Variants in SLC9A9 observed in about 807,000 individuals in gnomAD.
SLC9A9 encodes solute carrier family 9 member A9, also known as sodium/hydrogen exchanger 9.
SLC9A9 carries 62 observed loss-of-function variants against 77.8 expected under a neutral mutation model. That is an observed-to-expected ratio of 0.80 (90% CI 0.65 to 0.98). The LOEUF (loss-of-function observed/expected upper bound fraction) is 0.98, where lower values mean the gene tolerates loss of function less well. SLC9A9 is among the 50% of genes least tolerant of loss of function. The probability of loss-of-function intolerance (pLI) is 0.00; values close to 1 mark genes in which losing one functional copy is unlikely to be tolerated. For synonymous variants in SLC9A9, 320 were observed against 283.5 expected, an observed-to-expected ratio of 1.13 and a Z score of -1.29; for missense variants, 775 against 774.9, an observed-to-expected ratio of 1.00 and a Z score of 0.00.
In SLC9A9 at chr3:143,374,413, A is replaced by G. The variant is rs565496719; in HGVS notation, c.1524+7647T>C. The stretch of plus-strand genomic sequence containing the variant: ...GTACTCCAGCCTGGGAGACAGCGAG[A>G]CTCTGTCTCAAAAAAAAAAAAAAAA... On this transcript the variant is annotated intron_variant, in intron 13 of 15. Coordinates refer to ENST00000316549, the MANE Select transcript of SLC9A9 (RefSeq NM_173653.4). 1.0e-3 allele frequency among the ~76,000 whole-genome samples: 122 copies of G among 122,472 alleles called. 2 individuals are homozygous for G. The highest frequency in any genetic ancestry group is 3.1e-3 in the African/African-American group (92 of 29,652). The allele number at this position is 122,472 out of a possible 152,430, so 80.3% of individuals were successfully genotyped here.
chr3:143,796,934 A>G (rs1317160955), intron 2 of SLC9A9, 31 bp from the exon 3 acceptor site: 3 of 1,541,366 alleles, frequency 1.9e-6, no homozygotes, highest in African/African-American at 1.4e-5. Context: ...GATAGTTAGA[A>G]TGATGCTCCT....
intron 4 of SLC9A9, among the ~76,000 whole-genome samples, chr3:143,761,254 G>A (rs1289503075): frequency 9.2e-5 from 14 of 152,132 alleles, no homozygotes; most frequent in Non-Finnish European, 1.5e-5. Context: ...AGAAAACCTA[G>A]GCAATACCAT....
chr3:143,461,203 T>C (rs1323821569), intron 12 of SLC9A9, among the ~76,000 whole-genome samples: 3 of 152,180 alleles, frequency 2.0e-5, no homozygotes, highest in Non-Finnish European at 4.4e-5. Context: ...AAGAATCTTT[T>C]TGAGCTATTG....
At chr3:143,816,130 C>T (rs1296737908) in intron 2 of SLC9A9, among the ~76,000 whole-genome samples, 1 of 152,196 alleles carries the variant, frequency 6.6e-6, no homozygotes, top group Admixed American at 6.5e-5. Context: ...AGTCAGTGCC[C>T]TTTCCTTCCA....
intron 8 of SLC9A9, 24 bp downstream of exon 8, chr3:143,574,064 G>C (rs780038943): frequency 1.3e-6 from 2 of 1,594,232 alleles, no homozygotes; most frequent in Non-Finnish European, 1.7e-6. Context: ...ACATCCAGTT[G>C]GCTGTGCAGC....
intron 14 of SLC9A9, among the ~76,000 whole-genome samples, chr3:143,335,756 C>G (rs139884312): frequency 1.7e-3 from 263 of 152,104 alleles, no homozygotes; most frequent in Non-Finnish European, 2.9e-3. Flanking sequence ...ATAGAAAAAT[C>G]AACTCAAAAT....
intron 14 of SLC9A9, among the ~76,000 whole-genome samples, chr3:143,275,449 T>G (rs1248120407): frequency 7.2e-5 from 11 of 152,234 alleles, no homozygotes; most frequent in Non-Finnish European, 1.5e-5. Context: ...GCATTCTATT[T>G]CCTTGCTTTG....
At chr3:143,703,572 T>C (rs907361516) in intron 4 of SLC9A9, among the ~76,000 whole-genome samples, 7 of 151,896 alleles carry the variant, frequency 4.6e-5, no homozygotes, top group African/African-American at 1.2e-4. Flanking sequence ...AAAGCAGTAC[T>C]AAGCAGGAAG....
intron 14 of SLC9A9, among the ~76,000 whole-genome samples, chr3:143,357,566 C>T (rs1395000844): frequency 6.6e-6 from 1 of 152,146 alleles, no homozygotes; most frequent in Non-Finnish European, 1.5e-5. Context: ...ACTAGAAACA[C>T]TTATGAAAAT....
chr3:143,644,528 G>C (rs1268729430), intron 6 of SLC9A9, among the ~76,000 whole-genome samples: 3 of 152,150 alleles, frequency 2.0e-5, no homozygotes, highest in Non-Finnish European at 4.4e-5. Context: ...AGGAACCAGG[G>C]AACAGGAATG....
intron 1 of SLC9A9, among the ~76,000 whole-genome samples, chr3:143,837,573 T>C (rs116069817): frequency 0.023 from 3,492 of 152,222 alleles, 142 homozygotes; most frequent in African/African-American, 0.08. Flanking sequence ...GTGTATCAGG[T>C]CCTATTGATC....
At chr3:143,644,955 G>C (rs558893937) in intron 6 of SLC9A9, among the ~76,000 whole-genome samples, 1 of 152,270 alleles carries the variant, frequency 6.6e-6, no homozygotes, top group African/African-American at 2.4e-5. Context: ...TGTGATAACA[G>C]TTTCAGTTAA....
At chr3:143,329,910 C>T (rs1388432798) in intron 14 of SLC9A9, among the ~76,000 whole-genome samples, 3 of 152,164 alleles carry the variant, frequency 2.0e-5, no homozygotes, top group East Asian at 1.9e-4. Context: ...TCTGGCACTG[C>T]GCCTTGCTGC....
intron 5 of SLC9A9, among the ~76,000 whole-genome samples, chr3:143,665,864 G>A (rs1242049): frequency 0.79 from 119,718 of 152,078 alleles, 47,920 homozygotes; most frequent in African/African-American, 0.95. Flanking sequence ...AAAAAAGTCC[G>A]GGACCAGATG....
At chr3:143,560,958 A>C (rs1559968230) in intron 8 of SLC9A9, among the ~76,000 whole-genome samples, 1 of 152,232 alleles carries the variant, frequency 6.6e-6, no homozygotes, top group Non-Finnish European at 1.5e-5. Flanking sequence ...AGGCAGGCTG[A>C]TCACCTGAGG....
chr3:143,606,468 A>ATATATATATGTAT (rs2037931161), intron 6 of SLC9A9, among the ~76,000 whole-genome samples: 1 of 144,430 alleles, frequency 6.9e-6, no homozygotes, highest in African/African-American at 2.5e-5. Context: ...ATATGTATAT[A>ATATATATATGTAT]AAACCACTAT....
In SLC9A9 at chr3:143,529,064, G is replaced by A. The variant is rs546820163; in HGVS notation, c.1089+23298C>T. Among the ~76,000 whole-genome samples, 6 of 152,320 alleles carry A rather than the reference G, an allele frequency of 3.9e-5. No homozygotes were observed. The East Asian group carries it at 1.2e-3, about 29-fold the overall frequency. On this transcript the variant is annotated intron_variant, in intron 9 of 15. Coordinates refer to ENST00000316549, the MANE Select transcript of SLC9A9 (RefSeq NM_173653.4). ...CCGGTGCCATGTGGGAGGAGACAGAGCTGCAGATGAGGAGGGTGAGTTACC... is the reference window on the plus strand; with the variant it reads ...CCGGTGCCATGTGGGAGGAGACAGAACTGCAGATGAGGAGGGTGAGTTACC...
At chr3:143,651,604 AC>A (rs1369416140) in intron 6 of SLC9A9, among the ~76,000 whole-genome samples, 1 of 152,194 alleles carries the variant, frequency 6.6e-6, no homozygotes, top group African/African-American at 2.4e-5. Context: ...GAGACCTCTG[AC>A]ATAGTGAAAG....
At chr3:143,641,385 C>CTTGTTTTTTTT (rs2038618748) in intron 6 of SLC9A9, among the ~76,000 whole-genome samples, 1 of 78,820 alleles carries the variant, frequency 1.3e-5, no homozygotes, top group African/African-American at 4.6e-5. Context: ...TTGTCACAGT[C>CTTGTTTTTTTT]TTTTTTTTTT....
Sources: gnomAD v4.1 joint callset for allele counts (sites outside exome capture counted in the v4.1 genomes callset) on GRCh38, gnomAD v4.1.1 for gene constraint, MANE v1.5 for transcripts, NCBI Gene and HGNC (gene_info 2026-07-23, HGNC 2026-07-21) for gene names.